The following CDC42BPA variants were observed in gnomAD, a reference collection of about 807,000 sequenced individuals.
CDC42BPA encodes the protein serine/threonine-protein kinase MRCK alpha.
CDC42BPA carries 80 observed loss-of-function variants against 223.5 expected under a neutral mutation model. The observed-to-expected ratio is 0.36, with a 90% CI of 0.30 to 0.43. The LOEUF is 0.43. CDC42BPA is among the 20% of genes least tolerant of loss of function. The pLI is 1.00. For synonymous variants in CDC42BPA, 694 were observed against 718.6 expected (o/e 0.97, Z 0.55); for missense variants, 1,743 against 2,099.9 (o/e 0.83, Z 3.32).
chr1:227,075,403 T>C (rs1047413718), intron 17 of CDC42BPA, among the ~76,000 whole-genome samples: 4 of 152,188 alleles, frequency 2.6e-5, no homozygotes, highest in Admixed American at 2.0e-4. Context: ...CAAATTTATA[T>C]ATATCTTAAA....
At chr1:227,115,897 CTTA>C (rs933226229) in intron 12 of CDC42BPA, among the ~76,000 whole-genome samples, 1 of 150,490 alleles carries the variant, frequency 6.6e-6, no homozygotes, top group African/African-American at 2.4e-5. Flanking sequence ...GTCAATCTCA[CTTA>C]TAAAAAACAG....
intron 15 of CDC42BPA, among the ~76,000 whole-genome samples, chr1:227,099,936 A>T (rs947048774): frequency 6.6e-6 from 1 of 152,026 alleles, no homozygotes; most frequent in Non-Finnish European, 1.5e-5. Flanking sequence ...TGGGACAGGA[A>T]TTTTTTTCAT....
intron 4 of CDC42BPA, among the ~76,000 whole-genome samples, chr1:227,194,195 A>G (rs1670279600): frequency 6.6e-6 from 1 of 152,204 alleles, no homozygotes; most frequent in Non-Finnish European, 1.5e-5. Context: ...CAAAGAGCTA[A>G]TATCATCATT....
intron 35 of CDC42BPA, among the ~76,000 whole-genome samples, chr1:227,001,906 C>CA (rs71574593): frequency 0.32 from 47,802 of 150,436 alleles, 7,910 homozygotes; most frequent in East Asian, 0.53. Context: ...GACTCTGTCT[C>CA]AAAAAAAACA....
At chr1:227,314,962 ATT>A (rs1301564188) in intron 1 of CDC42BPA, among the ~76,000 whole-genome samples, 3 of 152,032 alleles carry the variant, frequency 2.0e-5, no homozygotes, top group Non-Finnish European at 4.4e-5. Context: ...ATTTTCACAT[ATT>A]GTTAAGTAAT....
At chr1:227,208,198 C>T (rs1339490457) in intron 3 of CDC42BPA, among the ~76,000 whole-genome samples, 2 of 150,884 alleles carry the variant, frequency 1.3e-5, no homozygotes, top group Non-Finnish European at 3.0e-5. Context: ...CCTTCACCCA[C>T]TTTTTGATGG....
At chr1:227,175,871 C>T (rs764272380) in intron 5 of CDC42BPA, among the ~76,000 whole-genome samples, 134 of 152,198 alleles carry the variant, frequency 8.8e-4, no homozygotes, top group African/African-American at 3.1e-3. Context: ...TATGTGAGGA[C>T]GATAATCTGT....
intron 11 of CDC42BPA, among the ~76,000 whole-genome samples, chr1:227,122,167 A>T (rs1233309432): frequency 2.0e-5 from 3 of 152,180 alleles, no homozygotes; most frequent in Non-Finnish European, 2.9e-5. Context: ...TAAGAGTAAA[A>T]ATGTAGCCTG....
chr1:227,114,577 T>C (rs1687481657), intron 12 of CDC42BPA, among the ~76,000 whole-genome samples: 1 of 152,110 alleles, frequency 6.6e-6, no homozygotes, highest in Non-Finnish European at 1.5e-5. Flanking sequence ...AATGTTAACT[T>C]TGTACAGTAA....
At chr1:227,259,458 G>A (rs553882567) in intron 1 of CDC42BPA, among the ~76,000 whole-genome samples, 9 of 151,076 alleles carry the variant, frequency 6.0e-5, no homozygotes, top group Admixed American at 3.3e-4. Flanking sequence ...GAAGTGTTCC[G>A]ATAGCTTCCT....
intron 6 of CDC42BPA, among the ~76,000 whole-genome samples, chr1:227,157,817 C>CAT (rs1427926136): frequency 6.6e-6 from 1 of 152,128 alleles, no homozygotes; most frequent in East Asian, 1.9e-4. Flanking sequence ...CTTTTAACCT[C>CAT]ATCCAGTGAA....
intron 5 of CDC42BPA, among the ~76,000 whole-genome samples, chr1:227,181,174 C>T (rs1233390366): frequency 6.6e-6 from 1 of 152,082 alleles, no homozygotes; most frequent in Admixed American, 6.5e-5. Flanking sequence ...ATTCACTTTA[C>T]AGATGCATAG....
At chr1:227,296,164 A>G (rs1261190011) in intron 1 of CDC42BPA, among the ~76,000 whole-genome samples, 1 of 152,230 alleles carries the variant, frequency 6.6e-6, no homozygotes, top group Non-Finnish European at 1.5e-5. Flanking sequence ...AAGGATAAAC[A>G]TATAGATCAA....
chr1:227,032,439 GT>G (rs1035415813), intron 27 of CDC42BPA, among the ~76,000 whole-genome samples: 16 of 147,908 alleles, frequency 1.1e-4, no homozygotes, highest in South Asian at 2.1e-4. Context: ...TTGGGCAGTA[GT>G]TTTTTTTTTT....
chr1:227,248,245 A>G (rs1681342010), intron 2 of CDC42BPA, among the ~76,000 whole-genome samples: 2 of 152,170 alleles, frequency 1.3e-5, no homozygotes, highest in Non-Finnish European at 2.9e-5. Flanking sequence ...TTCTTTAAGT[A>G]TTAGCTAGAG....
intron 1 of CDC42BPA, among the ~76,000 whole-genome samples, chr1:227,263,972 T>C (rs1684546426): frequency 6.6e-6 from 1 of 151,330 alleles, no homozygotes; most frequent in Admixed American, 6.6e-5. Context: ...CCCTGCTCTT[T>C]AGTATAGTAA....
intron 10 of CDC42BPA, among the ~76,000 whole-genome samples, chr1:227,138,835 G>T (rs1480692383): frequency 1.3e-5 from 2 of 152,066 alleles, no homozygotes; most frequent in Non-Finnish European, 2.9e-5. Context: ...AGGAACAATA[G>T]ATTTGAAGGT....
At chr1:227,040,840 T>C (rs1023437877) in intron 23 of CDC42BPA, among the ~76,000 whole-genome samples, 1 of 152,190 alleles carries the variant, frequency 6.6e-6, no homozygotes, top group Admixed American at 6.5e-5. Context: ...ACACCATAGT[T>C]AAAGGTATCT....
chr1:227,243,311 C>G (rs372292335), intron 2 of CDC42BPA, among the ~76,000 whole-genome samples: 1 of 152,162 alleles, frequency 6.6e-6, no homozygotes, highest in Non-Finnish European at 1.5e-5. Context: ...AAGTGTACCC[C>G]TGACCTTAAG....
Sources: allele counts gnomAD v4.1 joint callset (sites outside exome capture counted in the v4.1 genomes callset), GRCh38; gene constraint gnomAD v4.1.1; transcripts MANE v1.5; gene names NCBI Gene and HGNC (gene_info 2026-07-23, HGNC 2026-07-21).